Variants in TTC14 observed in about 807,000 individuals in gnomAD.
The protein encoded by TTC14 is tetratricopeptide repeat domain 14, also known as tetratricopeptide repeat protein 14.
TTC14 carries 63 observed loss-of-function variants against 79.9 expected under a neutral mutation model. The observed-to-expected ratio is 0.79, with a 90% CI of 0.64 to 0.97. The LOEUF (loss-of-function observed/expected upper bound fraction) is 0.97. Among genes scored for constraint, TTC14 ranks in the 50% least tolerant of loss-of-function variants. TTC14 has a pLI of 0.00. For missense variants in TTC14, 895 were observed against 894.0 expected (o/e 1.00, Z -0.01); for synonymous variants, 335 against 309.6 (o/e 1.08, Z -0.86).
chr3:180,604,624 A>G lies in TTC14; in HGVS notation c.701+17A>G, dbSNP rs549013390. 2 of 1,590,082 alleles carry G rather than the reference A, an allele frequency of 1.3e-6. No individual in the cohort carries two copies. Among genetic ancestry groups the G allele is most frequent in the East Asian group, 4.5e-5 (2 of 44,642 alleles). On this transcript the variant is annotated intron_variant, in intron 5 of 11. Transcript: ENST00000296015. ...ATACTACAGGTAATTTATCCGTATT[A>G]TTTCAACAACAGTTCATTACAAAAG...
chr3:180,605,010 A>G lies in TTC14; in HGVS notation c.857+3A>G. 2 of 1,610,104 alleles carry G rather than the reference A, an allele frequency of 1.2e-6. No homozygotes were observed. The highest frequency in any genetic ancestry group is 1.7e-6 in the Non-Finnish European group (2 of 1,178,536). ...TCTTTAATGAGAGGCCTACAAAGGT[A>G]TAGTACATCAGTATTACTCTTAGAT... On this transcript the variant is annotated splice_donor_region_variant and intron_variant, in intron 6 of 11. Transcript: ENST00000296015.
At chr3:180,616,433 G>T in intron 12 of TTC14, 1 of 1,504,712 alleles carries the variant, frequency 6.6e-7, no homozygotes, top group Non-Finnish European at 8.9e-7. Context: ...TTTTTAATTA[G>T]CTTTCACTTC....
chr3:180,615,034 T>A, downstream of TTC14: 1 of 1,555,632 alleles, frequency 6.4e-7, no homozygotes, highest in Non-Finnish European at 8.7e-7. Flanking sequence ...TCCAGTACTT[T>A]AATTGAAGAC....
exon 13 of TTC14, chr3:180,617,616 A>T: frequency 2.5e-6 from 1 of 407,888 alleles, no homozygotes; most frequent in Non-Finnish European, 4.3e-6. Flanking sequence ...CAAAAAAATT[A>T]AAAAGTAAAA....
chr3:180,604,718 A>G, intron 5 of TTC14, 111 bp downstream of exon 5: 2 of 1,421,226 alleles, frequency 1.4e-6, no homozygotes, highest in Non-Finnish European at 1.9e-6. Context: ...AAAGGAAACC[A>G]TATCATAATA....
rs766799094 is a variant in TTC14 at position 180,604,101 on chromosome 3, T to A, written c.487-124T>A. 6.2e-6 allele frequency: 5 copies of A among 802,928 alleles called. No homozygotes were observed. In the African/African-American group the frequency reaches 8.7e-5, roughly 14 times the overall value. The allele number at this position is 802,928 out of a possible 1,614,324, so 49.7% of individuals were successfully genotyped here. A position where few individuals can be genotyped will look rare whatever the true frequency, so the allele number is the denominator to read the frequency against. Reference sequence around the variant, plus strand: ...GAAATTACTTTTAACTAAATCCTTATTTAAATTTTTACTTTAGGTTGTTCA... The same window carrying A: ...GAAATTACTTTTAACTAAATCCTTAATTAAATTTTTACTTTAGGTTGTTCA... On this transcript the variant is annotated intron_variant, in intron 3 of 11. Transcript: ENST00000296015.
intron 1 of TTC14, 68 bp downstream of exon 1, chr3:180,602,490 C>T: frequency 6.7e-7 from 1 of 1,498,308 alleles, no homozygotes; most frequent in Non-Finnish European, 8.9e-7. Context: ...CTACCGCAGC[C>T]CCGGGTTTGC....
Position 180,609,519 on chromosome 3 carries a change from C to T in TTC14, c.1401-111C>T, listed in dbSNP as rs1308936392. 1.3e-5 allele frequency: 17 copies of T among 1,344,866 alleles called. No individual in the cohort carries two copies. In the Admixed American group the frequency reaches 5.3e-4, roughly 42 times the overall value. The allele number at this position is 1,344,866 out of a possible 1,614,324, so 83.3% of individuals were successfully genotyped here. A position where few individuals can be genotyped will look rare whatever the true frequency, so the allele number is the denominator to read the frequency against. ...TAGCCGAGATTATTGTATCATTTAT[C>T]TGAACCACAGCTTTTATAAAATCTT... On this transcript the variant is annotated intron_variant, in intron 11 of 11. Coordinates refer to ENST00000296015, the MANE Select transcript of TTC14 (RefSeq NM_133462.4).
At chr3:180,603,961 G>A in intron 3 of TTC14, 1 of 415,884 alleles carries the variant, frequency 2.4e-6, no homozygotes, top group East Asian at 4.6e-5. Context: ...TGTTTTTGAT[G>A]CATGTTGTAT....
chr3:180,612,580 C>T (rs1433694207), downstream of TTC14, among the ~76,000 whole-genome samples: 5 of 152,034 alleles, frequency 3.3e-5, no homozygotes, highest in South Asian at 2.1e-4. Flanking sequence ...GCCTGGGCAA[C>T]GCAGCATGAC....
rs376691823 is a variant in TTC14, at chr3:180,602,254, C to G, written c.-8C>G. 43 of 1,613,664 alleles carry G rather than the reference C, an allele frequency of 2.7e-5. No individual in the cohort carries two copies. Among genetic ancestry groups the G allele is most frequent in the Non-Finnish European group, 3.6e-5 (42 of 1,179,830 alleles). On this transcript the variant is annotated 5_prime_UTR_variant, in exon 1 of 12. Coordinates refer to ENST00000296015, the MANE Select transcript of TTC14 (RefSeq NM_133462.4). ...CCCGTCGGCCTCCGGGCCCTGCATT[C>G]TCTAGCCATGGACCGGGACCTTTTG...
chr3:180,606,061 T>C (rs1716665345), intron 7 of TTC14, 192 bp from the exon 8 acceptor site: 2 of 853,178 alleles, frequency 2.3e-6, no homozygotes, highest in South Asian at 1.9e-5. Context: ...TATATTGATA[T>C]CTAGGTTTCA....
At chr3:180,611,265 T>G (rs1213971432), downstream of TTC14, 1 of 716,402 alleles carries the variant, frequency 1.4e-6, no homozygotes, top group Non-Finnish European at 1.7e-6. Flanking sequence ...TTTAAATATT[T>G]ACAAGGCCCT....
chr3:180,607,624 G>A, intron 9 of TTC14, 24 bp from the exon 10 acceptor site: 2 of 1,592,162 alleles, frequency 1.3e-6, no homozygotes, highest in Non-Finnish European at 1.7e-6. Flanking sequence ...TTACAAAAAA[G>A]CTAAATCTTT....
At chr3:180,612,367 A>T (rs1383160147), downstream of TTC14, among the ~76,000 whole-genome samples, 1 of 152,084 alleles carries the variant, frequency 6.6e-6, no homozygotes, top group Non-Finnish European at 1.5e-5. Context: ...TGTAACCATC[A>T]CCCAAATGAT....
At chr3:180,602,473 G>A in intron 1 of TTC14, 51 bp downstream of exon 1, 2 of 1,529,360 alleles carry the variant, frequency 1.3e-6, no homozygotes, top group South Asian at 1.2e-5. Context: ...CGCAGCTCTG[G>A]CAGCCACTAC....
rs1248326941 is a variant in TTC14 at position 180,604,542 on chromosome 3, TCCA to T, written c.641_643del (p.Pro214del). On this transcript the variant is annotated inframe_deletion, in exon 5 of 12. Coordinates refer to ENST00000296015, the MANE Select transcript of TTC14 (RefSeq NM_133462.4). ...CAGTATCTCTGTATAGCTCTTCTCT[TCCA>T]CCACACCTATCTGGTATTAAATTAG... is the stretch of plus-strand genomic sequence containing the variant. 1 of 1,611,176 alleles carries T rather than the reference TCCA, an allele frequency of 6.2e-7. No individual in the cohort carries two copies. Among genetic ancestry groups the T allele is most frequent in the East Asian group, 2.2e-5 (1 of 44,754 alleles).
At chr3:180,603,387 T>C in intron 3 of TTC14, 64 bp downstream of exon 3, 1 of 1,338,622 alleles carries the variant, frequency 7.5e-7, no homozygotes, top group Non-Finnish European at 1.1e-6. Context: ...GCAAGAACTA[T>C]ATCTTTGCAT....
At chr3:180,603,390 C>A (rs745673138) in intron 3 of TTC14, 67 bp downstream of exon 3, 47 of 1,330,160 alleles carry the variant, frequency 3.5e-5, no homozygotes, top group Non-Finnish European at 5.0e-5. Flanking sequence ...AGAACTATAT[C>A]TTTGCATGCA....
Sources: gnomAD v4.1 joint callset for allele counts (sites outside exome capture counted in the v4.1 genomes callset) on GRCh38, gnomAD v4.1.1 for gene constraint, MANE v1.5 for transcripts, NCBI Gene and HGNC (gene_info 2026-07-23, HGNC 2026-07-21) for gene names.